MICAL3: variants seen among roughly 807,000 people sequenced by gnomAD.
MICAL3 encodes the protein microtubule associated monooxygenase, calponin and LIM domain containing 3.
MICAL3 carries 62 observed loss-of-function variants against 207.4 expected under a neutral mutation model. The observed-to-expected ratio is 0.30, with a 90% CI of 0.24 to 0.37. The LOEUF is 0.37. Ranked by LOEUF, MICAL3 falls within the 10% of genes least tolerant of loss-of-function variation. The probability of loss-of-function intolerance (pLI) is 1.00; values close to 1 mark genes in which losing one functional copy is unlikely to be tolerated. For missense variants in MICAL3, 2,368 were observed against 2,635.6 expected (o/e 0.90, Z 2.22); for synonymous variants, 1,077 against 1,069.3 (o/e 1.01, Z -0.14).
At chr22:17,810,055 T>C (rs1352332951) in intron 28 of MICAL3, among the ~76,000 whole-genome samples, 1 of 34,750 alleles carries the variant, frequency 2.9e-5, no homozygotes, top group East Asian at 8.7e-4. Context: ...TGCCTGGCTA[T>C]TTTTTTTTTT....
chr22:17,804,581 A>G (rs1185840598), intron 29 of MICAL3, among the ~76,000 whole-genome samples: 1 of 152,228 alleles, frequency 6.6e-6, no homozygotes, highest in Admixed American at 6.5e-5. Flanking sequence ...CTAGCCTGGT[A>G]GTTCCACAGC....
At chr22:17,858,615 C>T (rs1026998652) in intron 19 of MICAL3, 3 of 225,604 alleles carry the variant, frequency 1.3e-5, no homozygotes, top group Non-Finnish European at 2.2e-5. Flanking sequence ...TTTTCACAGC[C>T]GCTCTCCTTC....
rs558808527 is a variant in MICAL3 at position 17,956,129 on chromosome 22, A to G, written c.-74-49243T>C. Among the ~76,000 whole-genome samples, 9 of 151,638 alleles carry G rather than the reference A, an allele frequency of 5.9e-5. No individual in the cohort carries two copies. The South Asian group carries it at 1.7e-3, about 28-fold the overall frequency. On this transcript the variant is annotated intron_variant, in intron 1 of 31. Coordinates refer to ENST00000441493, the MANE Select transcript of MICAL3 (RefSeq NM_015241.3). ...CAGAGGGCACACACATGCCTGTGTCAGCGTCTCATGCCGACATCCACACTG... is the reference window on the plus strand; with the variant it reads ...CAGAGGGCACACACATGCCTGTGTCGGCGTCTCATGCCGACATCCACACTG...
intron 1 of MICAL3, among the ~76,000 whole-genome samples, chr22:17,932,877 C>A (rs183892243): frequency 5.5e-4 from 84 of 152,244 alleles, no homozygotes; most frequent in Admixed American, 2.0e-3. Flanking sequence ...ACAAAGAAGG[C>A]CATTACATAA....
At chr22:17,986,928 A>G (rs1247216324) in intron 1 of MICAL3, among the ~76,000 whole-genome samples, 3 of 152,178 alleles carry the variant, frequency 2.0e-5, no homozygotes, top group Non-Finnish European at 4.4e-5. Context: ...GTAAGCATAC[A>G]AAAAAATCCA....
intron 5 of MICAL3, among the ~76,000 whole-genome samples, chr22:17,901,274 T>C (rs1931295013): frequency 6.6e-6 from 1 of 152,144 alleles, no homozygotes; most frequent in Non-Finnish European, 1.5e-5. Flanking sequence ...AAAAAAGGGA[T>C]GCGTGGGGGG....
chr22:17,825,085 C>T (rs765211081), intron 22 of MICAL3, among the ~76,000 whole-genome samples: 5 of 152,144 alleles, frequency 3.3e-5, no homozygotes, highest in Non-Finnish European at 7.4e-5. Context: ...CCAAACAGGC[C>T]TCCCAGCCAG....
At chr22:17,938,908 A>G (rs999556004) in intron 1 of MICAL3, among the ~76,000 whole-genome samples, 1 of 152,144 alleles carries the variant, frequency 6.6e-6, no homozygotes, top group Non-Finnish European at 1.5e-5. Flanking sequence ...CCTGGCTACC[A>G]TGTACAGTAT....
At chr22:17,997,997 T>C (rs1053138487) in intron 1 of MICAL3, among the ~76,000 whole-genome samples, 5 of 150,520 alleles carry the variant, frequency 3.3e-5, no homozygotes, top group African/African-American at 1.2e-4. Context: ...CTCAGTGAAG[T>C]GAAACTTAAG....
intron 1 of MICAL3, among the ~76,000 whole-genome samples, chr22:17,968,193 G>A (rs1050277492): frequency 6.6e-6 from 1 of 152,224 alleles, no homozygotes; most frequent in Non-Finnish European, 1.5e-5. Flanking sequence ...GAGTGAAGAG[G>A]AAAGAGAGGA....
intron 1 of MICAL3, among the ~76,000 whole-genome samples, chr22:18,002,593 A>C (rs2023893823): frequency 6.6e-6 from 1 of 152,102 alleles, no homozygotes; most frequent in African/African-American, 2.4e-5. Flanking sequence ...AGATCGTGCC[A>C]TTGCACTCCA....
chr22:17,815,751 G>A (rs1920975367), intron 27 of MICAL3: 1 of 152,404 alleles, frequency 6.6e-6, no homozygotes. Context: ...AGGAGGGGAT[G>A]CGAAATAAAG....
intron 19 of MICAL3, among the ~76,000 whole-genome samples, chr22:17,843,972 G>A (rs537428846): frequency 4.6e-5 from 7 of 152,144 alleles, no homozygotes; most frequent in African/African-American, 7.2e-5. Flanking sequence ...TCAGCCTCCC[G>A]AGTAGCTGGG....
intron 3 of MICAL3, among the ~76,000 whole-genome samples, 185 bp downstream of exon 3, chr22:17,904,447 A>G (rs1205133062): frequency 6.6e-6 from 1 of 152,244 alleles, no homozygotes; most frequent in Non-Finnish European, 1.5e-5. Context: ...GTCCTAAATT[A>G]TAGAACCACC....
At chr22:17,850,412 T>G (rs1425399524) in intron 19 of MICAL3, among the ~76,000 whole-genome samples, 1 of 129,698 alleles carries the variant, frequency 7.7e-6, no homozygotes, top group Non-Finnish European at 1.6e-5. Flanking sequence ...TTTTTTTTTT[T>G]TTTTTTTTTT....
chr22:17,981,012 T>A (rs1291205924), intron 1 of MICAL3: 4 of 447,812 alleles, frequency 8.9e-6, no homozygotes, highest in African/African-American at 8.0e-5. Context: ...GAGGGCAGTA[T>A]TTACTTCACC....
chr22:17,894,097 T>C (rs1001670658), intron 10 of MICAL3, among the ~76,000 whole-genome samples, 193 bp from the exon 11 acceptor site: 2 of 152,140 alleles, frequency 1.3e-5, no homozygotes, highest in Non-Finnish European at 2.9e-5. Flanking sequence ...ACATTTTAAC[T>C]GTGGGACTTT....
chr22:17,927,496 T>A (rs1456243246), intron 1 of MICAL3, among the ~76,000 whole-genome samples: 2 of 152,150 alleles, frequency 1.3e-5, no homozygotes, highest in Non-Finnish European at 2.9e-5. Context: ...TGCTTACACT[T>A]TGAAAGACAC....
chr22:17,848,169 C>T (rs1198545556), intron 19 of MICAL3, among the ~76,000 whole-genome samples: 1 of 152,216 alleles, frequency 6.6e-6, no homozygotes, highest in Non-Finnish European at 1.5e-5. Context: ...AAATCGGTCA[C>T]AGTGACGTTC....
Sources: allele counts gnomAD v4.1 joint callset (sites outside exome capture counted in the v4.1 genomes callset), GRCh38; gene constraint gnomAD v4.1.1; transcripts MANE v1.5; gene names NCBI Gene and HGNC (gene_info 2026-07-23, HGNC 2026-07-21).